GON4L: variants seen among roughly 807,000 people sequenced by gnomAD.
The protein encoded by GON4L is GON-4-like protein.
A neutral mutation model predicts 211.8 loss-of-function variants in GON4L; 87 were observed. The observed-to-expected ratio is 0.41, with a 90% CI of 0.35 to 0.49. The LOEUF (loss-of-function observed/expected upper bound fraction) is 0.49. GON4L is among the 20% of genes least tolerant of loss of function. The probability of loss-of-function intolerance (pLI) is 0.15; values close to 1 mark genes in which losing one functional copy is unlikely to be tolerated. For missense variants in GON4L, 2,155 were observed against 2,659.5 expected, an observed-to-expected ratio of 0.81 and a Z score of 4.17; for synonymous variants, 875 against 962.6, an observed-to-expected ratio of 0.91 and a Z score of 1.68.
chr1:155,781,540 G>A (rs778517709), intron 14 of GON4L, among the ~76,000 whole-genome samples: 19 of 152,092 alleles, frequency 1.2e-4, no homozygotes, highest in Non-Finnish European at 2.2e-4. Flanking sequence ...TTGGCTCATT[G>A]CAACTTCTGC....
At chr1:155,786,496 ATTC>A (rs1664953820) in intron 12 of GON4L, among the ~76,000 whole-genome samples, 1 of 152,114 alleles carries the variant, frequency 6.6e-6, no homozygotes, top group Non-Finnish European at 1.5e-5. Context: ...ATGCCACTGC[ATTC>A]CAGCCTGGGC....
At chr1:155,840,754 C>T (rs1269465312) in intron 2 of GON4L, among the ~76,000 whole-genome samples, 5 of 152,272 alleles carry the variant, frequency 3.3e-5, no homozygotes, top group East Asian at 1.9e-4. Context: ...TGCTTTAGGA[C>T]GGGCGCAGTT....
At chr1:155,839,160 G>A (rs1468770815) in intron 2 of GON4L, among the ~76,000 whole-genome samples, 1 of 152,118 alleles carries the variant, frequency 6.6e-6, no homozygotes, top group African/African-American at 2.4e-5. Context: ...TATATAACCA[G>A]GTAGAAAGGA....
At chr1:155,772,256 G>A (rs1370669211) in intron 18 of GON4L, among the ~76,000 whole-genome samples, 1 of 152,014 alleles carries the variant, frequency 6.6e-6, no homozygotes, top group Non-Finnish European at 1.5e-5. Flanking sequence ...ATGACGAGCT[G>A]TATACTAACA....
At chr1:155,809,994 A>ATAAATTATATACATATATAAT (rs1557886158) in intron 10 of GON4L, among the ~76,000 whole-genome samples, 2,275 of 7,360 alleles carry the variant, frequency 0.31, 1,037 homozygotes, top group Middle Eastern at 1. Flanking sequence ...ATATATAATT[A>ATAAATTATATACATATATAAT]TATATATATA....
rs778157888 is a variant in GON4L at position 155,773,074 on chromosome 1, A to G, written c.2487T>C (p.Ala829=). The stretch of plus-strand genomic sequence containing the variant: ...CCAGAGTAAACACTTACTTGTCCTC[A>G]GCCTTGGTGAAGACGATCTTATCCT... The part of the protein sequence containing the change: ...NPQDKIVFTK[A]EDNLLALGLK... Residue 829 remains alanine, a synonymous_variant, in exon 18 of 32, where the codon GCT becomes GCC. Transcript: ENST00000368331. The G allele has an allele frequency of 4.3e-6, 7 of 1,612,090 alleles. No individual in the cohort carries two copies. In the South Asian group the frequency reaches 7.7e-5, roughly 18 times the overall value.
chr1:155,802,317 G>C (rs1156638923), intron 11 of GON4L, among the ~76,000 whole-genome samples: 1 of 146,680 alleles, frequency 6.8e-6, no homozygotes, highest in East Asian at 2.0e-4. Flanking sequence ...TTCCTTGGGG[G>C]GGGGGAAGGC....
At chr1:155,768,585 T>C (rs2101772806) in intron 19 of GON4L, among the ~76,000 whole-genome samples, 1 of 149,132 alleles carries the variant, frequency 6.7e-6, no homozygotes, top group South Asian at 2.1e-4. Flanking sequence ...CACTCCAGCC[T>C]GGATGACACA....
downstream of GON4L, chr1:155,747,079 T>C (rs774414316): frequency 6.2e-7 from 1 of 1,606,458 alleles, no homozygotes; most frequent in East Asian, 2.2e-5. Context: ...AAGCAACCTT[T>C]GCCTCTAAAC....
chr1:155,817,122 TAG>T (rs1328061119), intron 6 of GON4L, among the ~76,000 whole-genome samples: 1 of 152,064 alleles, frequency 6.6e-6, no homozygotes, highest in Non-Finnish European at 1.5e-5. Context: ...ACTAATTAGC[TAG>T]GACTACAGGC....
At chr1:155,854,222 G>A (rs796669033) in intron 1 of GON4L, among the ~76,000 whole-genome samples, 6 of 152,300 alleles carry the variant, frequency 3.9e-5, no homozygotes, top group African/African-American at 1.4e-4. Context: ...CGCAATCTCG[G>A]TTCACTGCAA....
chr1:155,797,273 C>T (rs1666157941), intron 11 of GON4L, among the ~76,000 whole-genome samples: 1 of 151,876 alleles, frequency 6.6e-6, no homozygotes. Context: ...CACCACCATG[C>T]CCAGCTAATT....
chr1:155,766,690 T>C lies in GON4L; in HGVS notation c.2783A>G (p.Gln928Arg). ...ATCAGCCATGTGCCGCAGTTCTTCC[T>C]GGATGGATGGCAGACTGGCCTATTG... is the stretch of plus-strand genomic sequence containing the variant. ...FWLKASLPSI[Q>R]EELRHMADGA... is the part of the protein sequence containing the mutation. The change falls in exon 21 of 32, where the codon CAG (glutamine) becomes CGG (arginine). Residue 928 changes from glutamine (Q) to arginine (R), a missense_variant. By Grantham distance (43) the Gln-to-Arg change is conservative (BLOSUM62 1). Around this residue, in one of 6 missense-constraint regions of GON4L, gnomAD observed 551 missense variants for 854.0 expected, o/e 0.65. Transcript: ENST00000368331. The C allele has an allele frequency of 2.5e-6, 4 of 1,614,216 alleles. No individual in the cohort carries two copies. The highest frequency in any genetic ancestry group is 3.4e-6 in the Non-Finnish European group (4 of 1,180,046).
intron 10 of GON4L, among the ~76,000 whole-genome samples, chr1:155,807,539 T>TA (rs1209727046): frequency 1.3e-5 from 2 of 151,202 alleles, no homozygotes; most frequent in Non-Finnish European, 3.0e-5. Flanking sequence ...CCCGTCTCTA[T>TA]AAAAAATACA....
At chr1:155,761,124 GAA>G (rs1661744392) in intron 23 of GON4L, among the ~76,000 whole-genome samples, 1 of 150,930 alleles carries the variant, frequency 6.6e-6, no homozygotes, top group Non-Finnish European at 1.5e-5. Flanking sequence ...GTTACCAAGA[GAA>G]GGACACAGTT....
chr1:155,802,965 C>CA (rs922413419), intron 11 of GON4L, among the ~76,000 whole-genome samples: 1 of 152,052 alleles, frequency 6.6e-6, no homozygotes, highest in African/African-American at 2.4e-5. Context: ...CACACACACA[C>CA]AAAAAAGTAC....
At chr1:155,776,976 T>C (rs1218720969) in intron 15 of GON4L, among the ~76,000 whole-genome samples, 1 of 152,062 alleles carries the variant, frequency 6.6e-6, no homozygotes, top group Non-Finnish European at 1.5e-5. Context: ...TTGAACAAAA[T>C]GACAGAACCA....
intron 2 of GON4L, among the ~76,000 whole-genome samples, chr1:155,837,965 T>A (rs1345614302): frequency 6.6e-6 from 1 of 152,156 alleles, no homozygotes; most frequent in Non-Finnish European, 1.5e-5. Flanking sequence ...AAAACTTGTT[T>A]TCAAATTATT....
downstream of GON4L, chr1:155,748,151 G>A: frequency 6.4e-7 from 1 of 1,565,920 alleles, no homozygotes; most frequent in Non-Finnish European, 8.7e-7. Flanking sequence ...CTCTTGTTCT[G>A]ACTGCGGCAG....
Sources: allele counts gnomAD v4.1 joint callset (sites outside exome capture counted in the v4.1 genomes callset), GRCh38; gene constraint gnomAD v4.1.1; regional missense constraint gnomAD v4.1.1; transcripts MANE v1.5; gene names NCBI Gene and HGNC (gene_info 2026-07-23, HGNC 2026-07-21).